Variants in CLTRN observed in about 807,000 individuals in gnomAD.
CLTRN encodes collectrin, amino acid transport regulator.
Under a neutral mutation model 14.5 loss-of-function variants are expected in CLTRN, and 12 were observed. That is an observed-to-expected ratio of 0.83 (90% CI 0.53 to 1.34). CLTRN has a LOEUF of 1.34. Ranked by LOEUF, CLTRN falls within the 40% of genes most tolerant of loss-of-function variation. The pLI is 0.00. For missense variants in CLTRN, 154 were observed against 165.1 expected (o/e 0.93, Z 0.37); for synonymous variants, 58 against 56.5 (o/e 1.03, Z -0.12).
intron 3 of CLTRN, among the ~76,000 whole-genome samples, chrX:15,652,441 G>C (rs1257976601): frequency 9.4e-6 from 1 of 106,595 alleles, no homozygotes; most frequent in African/African-American, 3.5e-5. Context: ...ATGTCAAAGA[G>C]GCCAAAAAAA....
At chrX:15,673,921 C>A (rs1929766159) in intron 1 of CLTRN, among the ~76,000 whole-genome samples, 1 of 112,130 alleles carries the variant, frequency 8.9e-6, no homozygotes, top group African/African-American at 3.2e-5. Context: ...ATGTTTGCTG[C>A]CCCAAAATAC....
rs775167898 is a variant in CLTRN at position 15,627,790 on chromosome X, T to C, written c.*181A>G. The C allele has an allele frequency of 3.3e-6, 1 of 305,303 alleles. No homozygotes were observed. The highest frequency in any genetic ancestry group is 4.9e-5 in the East Asian group (1 of 20,512). 25.2% of individuals were successfully genotyped at this position (305,303 alleles called of 1,213,427 possible). A position where few individuals can be genotyped will look rare whatever the true frequency, so the allele number is the denominator to read the frequency against. ...AGAATATTTTGAGTCGTGAATAGCT[T>C]ATGATTTCAGTGGTGTTGGTGGGTA... On this transcript the variant is annotated 3_prime_UTR_variant, in exon 6 of 6. Transcript: ENST00000380342.
At chrX:15,665,185 T>C (rs1929596496), upstream of CLTRN, among the ~76,000 whole-genome samples, 2 of 111,336 alleles carry the variant, frequency 1.8e-5, no homozygotes, top group South Asian at 3.8e-4. Context: ...GGTTCTTAGA[T>C]AGGCTATCTT....
chrX:15,674,074 CTT>C (rs1340069309), intron 1 of CLTRN, among the ~76,000 whole-genome samples: 1 of 112,367 alleles, frequency 8.9e-6, no homozygotes, highest in Admixed American at 9.4e-5. Context: ...CTCTTTGACT[CTT>C]GTCTTATTTC....
chrX:15,656,480 G>T (rs1051095129), intron 3 of CLTRN, among the ~76,000 whole-genome samples: 1 of 111,155 alleles, frequency 9.0e-6, no homozygotes, highest in Non-Finnish European at 1.9e-5. Flanking sequence ...GTGGGCGGGG[G>T]GGAGACAATA....
At position 15,628,087 on chromosome X, in the gene CLTRN, T is replaced by C. The variant is rs1273798472; in HGVS notation, c.553A>G (p.Lys185Glu). The change falls in exon 6 of 6, where the codon AAG (lysine) becomes GAG (glutamate). Residue 185 changes from lysine (K) to glutamate (E), a missense_variant. Physicochemically the swap from Lys to Glu is moderately conservative, Grantham distance 56. Coordinates refer to ENST00000380342, the MANE Select transcript of CLTRN (RefSeq NM_020665.6). ...EPSEVDDAED[K>E]CENMITIENG... is the part of the protein sequence containing the mutation. ...TCAATTGTGATCATGTTTTCACACTTATCTTCAGCGTCATCCACTTCAGAT... is the reference window on the plus strand; with the variant it reads ...TCAATTGTGATCATGTTTTCACACTCATCTTCAGCGTCATCCACTTCAGAT... The C allele has an allele frequency of 1.8e-6, 2 of 1,141,894 alleles. No individual in the cohort carries two copies. Among genetic ancestry groups the C allele is most frequent in the Non-Finnish European group, 2.3e-6 (2 of 858,149 alleles). The allele number at this position is 1,141,894 out of a possible 1,213,427, so 94.1% of individuals were successfully genotyped here.
At chrX:15,643,161 T>C (rs756667358) in intron 4 of CLTRN, among the ~76,000 whole-genome samples, 4 of 112,043 alleles carry the variant, frequency 3.6e-5, no homozygotes, top group African/African-American at 6.5e-5. Context: ...CATAAGAACA[T>C]TCCTTGTGAA....
At chrX:15,650,205 C>A (rs1046519030) in intron 3 of CLTRN, among the ~76,000 whole-genome samples, 4 of 106,348 alleles carry the variant, frequency 3.8e-5, no homozygotes, top group African/African-American at 1.4e-4. Flanking sequence ...ACCACTGGTA[C>A]GTAGGGACTC....
chrX:15,631,734 C>T (rs1312745658), intron 5 of CLTRN, among the ~76,000 whole-genome samples: 1 of 112,210 alleles, frequency 8.9e-6, no homozygotes, highest in East Asian at 2.8e-4. Context: ...TCTTTTACAA[C>T]CATAGATCCA....
At chrX:15,642,785 G>A (rs1323041137) in intron 4 of CLTRN, among the ~76,000 whole-genome samples, 1 of 111,652 alleles carries the variant, frequency 9.0e-6, no homozygotes, top group African/African-American at 3.3e-5. Flanking sequence ...AGAGATAATA[G>A]TAATTACTGA....
intron 4 of CLTRN, among the ~76,000 whole-genome samples, chrX:15,640,144 G>A (rs1332535377): frequency 9.0e-6 from 1 of 111,663 alleles, no homozygotes; most frequent in Admixed American, 9.5e-5. Context: ...AGGGGGTGGC[G>A]GGGAAGCAGC....
chrX:15,637,126 C>A (rs1217373105), intron 5 of CLTRN, among the ~76,000 whole-genome samples: 2 of 111,548 alleles, frequency 1.8e-5, no homozygotes, highest in Non-Finnish European at 1.9e-5. Flanking sequence ...AGAATGGTGA[C>A]TTAGATAATC....
intron 3 of CLTRN, among the ~76,000 whole-genome samples, chrX:15,652,538 T>C (rs1187921846): frequency 1.8e-5 from 2 of 110,112 alleles, no homozygotes; most frequent in Non-Finnish European, 3.8e-5. Flanking sequence ...AACCATCTCA[T>C]ACAAACTTAT....
intron 4 of CLTRN, among the ~76,000 whole-genome samples, chrX:15,642,757 T>C (rs1928970766): frequency 9.0e-6 from 1 of 111,493 alleles, no homozygotes; most frequent in Admixed American, 9.5e-5. Context: ...TGAGCCTCAG[T>C]TTCTTCATTT....
chrX:15,643,791 A>G (rs963307337), intron 4 of CLTRN, among the ~76,000 whole-genome samples: 1 of 112,555 alleles, frequency 8.9e-6, no homozygotes, highest in Non-Finnish European at 1.9e-5. Flanking sequence ...ACATTTGATT[A>G]TATACTCATT....
intron 2 of CLTRN, among the ~76,000 whole-genome samples, chrX:15,659,524 T>C (rs887726628): frequency 3.6e-5 from 4 of 111,914 alleles, no homozygotes; most frequent in Admixed American, 9.5e-5. Context: ...TTAGTGTGTG[T>C]GCGTGCATAT....
intron 5 of CLTRN, among the ~76,000 whole-genome samples, chrX:15,636,375 C>T (rs1021365515): frequency 9.0e-6 from 1 of 111,569 alleles, no homozygotes. Flanking sequence ...AGAAGGAAAT[C>T]CTGACATTTG....
upstream of CLTRN, among the ~76,000 whole-genome samples, chrX:15,667,238 A>AAAAT (rs200000626): frequency 9.3e-3 from 980 of 105,057 alleles, 8 homozygotes; most frequent in African/African-American, 0.024. Flanking sequence ...CTCCATCTCA[A>AAAAT]AAATAAATAA....
At chrX:15,653,101 A>G (rs1017241952) in intron 3 of CLTRN, among the ~76,000 whole-genome samples, 2 of 111,643 alleles carry the variant, frequency 1.8e-5, no homozygotes, top group Admixed American at 1.9e-4. Context: ...AAATAAATAA[A>G]CAATGTAAAT....
Sources: gnomAD v4.1 joint callset for allele counts (sites outside exome capture counted in the v4.1 genomes callset) on GRCh38, gnomAD v4.1.1 for gene constraint, MANE v1.5 for transcripts, NCBI Gene and HGNC (gene_info 2026-07-23, HGNC 2026-07-21) for gene names.